NXF3: variants seen among roughly 807,000 people sequenced by gnomAD.
The protein encoded by NXF3 is nuclear RNA export factor 3.
Under a neutral mutation model 48.4 loss-of-function variants are expected in NXF3, and 34 were observed. That is an observed-to-expected ratio of 0.70 (90% CI 0.53 to 0.93). NXF3 has a LOEUF of 0.93. Ranked by LOEUF, NXF3 falls within the 40% of genes least tolerant of loss-of-function variation. The pLI, the probability that NXF3 is intolerant of heterozygous loss-of-function variation, is 0.00. For synonymous variants in NXF3, 132 were observed against 145.7 expected (o/e 0.91, Z 0.68); for missense variants, 359 against 406.1 (o/e 0.88, Z 1.00).
chrX:103,082,609 G>C (rs958691006), intron 8 of NXF3, 151 bp downstream of exon 8: 7 of 511,670 alleles, frequency 1.4e-5, no homozygotes, highest in Non-Finnish European at 2.0e-5. Context: ...AGGCTTTGTT[G>C]CTGTTTGGGT....
chrX:103,079,402 TGA>T lies in NXF3; in HGVS notation c.1290_1291del (p.Gln431AlafsTer2). ...CACCAGGAAGGAGCTGAGGTCATGC[TGA>T]GTTTTAGGCAACGCACTGAGGGAGT... On this transcript the variant is annotated frameshift_variant, in exon 15 of 20. Transcript: ENST00000395065. LOFTEE classifies it high-confidence loss of function. The T allele has an allele frequency of 8.3e-7, 1 of 1,211,615 alleles. No homozygotes were observed. Among genetic ancestry groups the T allele is most frequent in the Non-Finnish European group, 1.1e-6 (1 of 895,335 alleles).
Position 103,079,344 on chromosome X carries a change from G to A in NXF3, c.1335+15C>T, listed in dbSNP as rs759976197. 3.3e-6 allele frequency: 4 copies of A among 1,208,838 alleles called. No homozygotes were observed. The highest frequency in any genetic ancestry group is 2.2e-6 in the Non-Finnish European group (2 of 892,642). ...GGCTTTCTGGGCCTGCCCAAGGGAG[G>A]AAGCAGGTACTCACCGTCTGGTACC... On this transcript the variant is annotated intron_variant, in intron 15 of 19. Coordinates refer to ENST00000395065, the MANE Select transcript of NXF3 (RefSeq NM_022052.2).
In NXF3 at chrX:103,079,888, G is replaced by A. The variant is rs1312994666; in HGVS notation, c.1053-18C>T. 1 of 1,191,154 alleles carries A rather than the reference G, an allele frequency of 8.4e-7. No homozygotes were observed. The highest frequency in any genetic ancestry group is 3.0e-5 in the East Asian group (1 of 33,759). ...AGTAATACCTGTTGGAGACCAGTGA[G>A]GACAGGCTATCTCTGTGGCCTGGGT... On this transcript the variant is annotated intron_variant, in intron 12 of 19. Coordinates refer to ENST00000395065, the MANE Select transcript of NXF3 (RefSeq NM_022052.2).
chrX:103,090,683 G>C (rs1260939900), intron 1 of NXF3, among the ~76,000 whole-genome samples: 1 of 111,489 alleles, frequency 9.0e-6, no homozygotes, highest in Non-Finnish European at 1.9e-5. Context: ...TTTGGGGCAG[G>C]GGGAGGCGGG....
intron 16 of NXF3, among the ~76,000 whole-genome samples, 192 bp downstream of exon 16, chrX:103,079,029 G>A (rs1298774897): frequency 8.9e-6 from 1 of 112,423 alleles, no homozygotes; most frequent in African/African-American, 3.2e-5. Flanking sequence ...CGCCTGAGCT[G>A]TGCAGGGCAG....
Position 103,092,549 on chromosome X carries a change from G to T in NXF3, c.28+447C>A, listed in dbSNP as rs376656949. Among the ~76,000 whole-genome samples the T allele has an allele frequency of 2.9e-4, 33 of 112,266 alleles. 1 individual carries two copies. In the East Asian group the frequency reaches 4.5e-3, roughly 15 times the overall value. On this transcript the variant is annotated intron_variant, in intron 1 of 19. Transcript: ENST00000395065. Reference sequence around the variant, plus strand: ...GACAAAAATTCAGCTACATATAGAAGATTTAAATGGCATGAGTAATAAGTT... The same window carrying T: ...GACAAAAATTCAGCTACATATAGAATATTTAAATGGCATGAGTAATAAGTT...
intron 1 of NXF3, chrX:103,088,513 G>T: frequency 9.4e-7 from 1 of 1,065,913 alleles, no homozygotes; most frequent in Non-Finnish European, 1.3e-6. Context: ...CAGTGAATAA[G>T]AAAGACTTGT....
intron 1 of NXF3, chrX:103,088,157 A>G (rs1602891401): frequency 9.7e-7 from 1 of 1,026,197 alleles, no homozygotes; most frequent in East Asian, 3.1e-5. Context: ...GCAAAATTCC[A>G]AGCAGGTTCA....
intron 19 of NXF3, 59 bp downstream of exon 19, chrX:103,076,182 A>G: frequency 1.1e-6 from 1 of 888,322 alleles, no homozygotes; most frequent in Non-Finnish European, 1.7e-6. Flanking sequence ...CCGGAAGCCC[A>G]AGTTCAATCC....
At chrX:103,077,400 G>A (rs1405128504) in intron 18 of NXF3, among the ~76,000 whole-genome samples, 2 of 109,992 alleles carry the variant, frequency 1.8e-5, no homozygotes, top group Admixed American at 1.9e-4. Context: ...ACAGGCGCCC[G>A]CCACCACGCC....
At chrX:103,082,463 C>G in intron 8 of NXF3, 99 bp from the exon 9 acceptor site, 2 of 553,753 alleles carry the variant, frequency 3.6e-6, no homozygotes, top group East Asian at 3.3e-5. Context: ...ACTTCCTTGC[C>G]TCTTGTCACT....
intron 1 of NXF3, among the ~76,000 whole-genome samples, chrX:103,086,177 T>C (rs1250577312): frequency 2.7e-5 from 3 of 111,437 alleles, no homozygotes; most frequent in Non-Finnish European, 3.8e-5. Flanking sequence ...TCCCAGCACT[T>C]TGGGAGGCCG....
At chrX:103,090,541 T>C (rs1224624681) in intron 1 of NXF3, among the ~76,000 whole-genome samples, 3 of 112,509 alleles carry the variant, frequency 2.7e-5, no homozygotes, top group Admixed American at 9.5e-5. Context: ...AATTAACCAT[T>C]ATGTTTCTAA....
chrX:103,076,526 A>G lies in NXF3; in HGVS notation c.1585-225T>C, dbSNP rs1176815584. ...CTTGGGGTCCCAAAATCACTAAGCT[A>G]AAGGTAAAAGTGAAGCTGGGAACTG... On this transcript the variant is annotated intron_variant, in intron 18 of 19. Transcript: ENST00000395065. 3.6e-5 allele frequency among the ~76,000 whole-genome samples: 4 copies of G among 111,526 alleles called. No homozygotes were observed. The East Asian group carries it at 1.1e-3, about 31-fold the overall frequency.
At position 103,077,659 on chromosome X, in the gene NXF3, G is replaced by C; in HGVS notation, c.1539C>G (p.Ala513=). The C allele has an allele frequency of 8.3e-7, 1 of 1,211,552 alleles. No individual in the cohort carries two copies. The highest frequency in any genetic ancestry group is 1.1e-6 in the Non-Finnish European group (1 of 895,307). ...QSALFTLVPT[A]FSSSVPAFSQ... ...AGAAGGCAGGCACGGAGCTGGAGAA[G>C]GCTGTGGGCACTAGGGTGAACAAGG... Residue 513 remains alanine, a synonymous_variant, in exon 18 of 20, where the codon GCC becomes GCG. Coordinates refer to ENST00000395065, the MANE Select transcript of NXF3 (RefSeq NM_022052.2).
At chrX:103,082,404 G>A (rs1295274142) in intron 8 of NXF3, 40 bp from the exon 9 acceptor site, 2 of 952,666 alleles carry the variant, frequency 2.1e-6, no homozygotes, top group Non-Finnish European at 3.0e-6. Flanking sequence ...CCAGGAAAGA[G>A]CAGCTGGAGG....
chrX:103,079,488 G>T lies in NXF3; in HGVS notation c.1220-14C>A. 2 of 1,199,074 alleles carry T rather than the reference G, an allele frequency of 1.7e-6. No individual in the cohort carries two copies. The highest frequency in any genetic ancestry group is 2.3e-6 in the Non-Finnish European group (2 of 884,031). On this transcript the variant is annotated splice_polypyrimidine_tract_variant and intron_variant, in intron 14 of 19. Transcript: ENST00000395065. ...CCCCCCGAAGGTCTGTAGAGGAGAA[G>T]AGAAGCAAGGATTTGGGGGGCTGCC...
At chrX:103,080,303 G>T in intron 10 of NXF3, 87 bp from the exon 11 acceptor site, 2 of 953,519 alleles carry the variant, frequency 2.1e-6, no homozygotes, top group African/African-American at 1.9e-5. Flanking sequence ...GAGAGGGTGA[G>T]ATCAGAAATC....
At chrX:103,086,108 G>A (rs944673955) in intron 1 of NXF3, among the ~76,000 whole-genome samples, 2 of 108,797 alleles carry the variant, frequency 1.8e-5, no homozygotes, top group African/African-American at 6.7e-5. Flanking sequence ...CACCGTGCCC[G>A]GCCTCTACAA....
Sources: allele counts gnomAD v4.1 joint callset (sites outside exome capture counted in the v4.1 genomes callset), GRCh38; gene constraint gnomAD v4.1.1; transcripts MANE v1.5; gene names NCBI Gene and HGNC (gene_info 2026-07-23, HGNC 2026-07-21).